The following FAM222B variants were observed in gnomAD, a reference collection of about 807,000 sequenced individuals.
FAM222B encodes family with sequence similarity 222 member B.
Under a neutral mutation model 38.0 loss-of-function variants are expected in FAM222B, and 12 were observed. The observed-to-expected ratio is 0.32, with a 90% confidence interval of 0.20 to 0.51. The LOEUF is 0.51. Among genes scored for constraint, FAM222B ranks in the 20% least tolerant of loss-of-function variants. The pLI is 0.97. For synonymous variants in FAM222B, 329 were observed against 317.2 expected, an observed-to-expected ratio of 1.04 and a Z score of -0.40; for missense variants, 716 against 754.2, an observed-to-expected ratio of 0.95 and a Z score of 0.59.
At chr17:28,852,652 C>G (rs918983262) in intron 1 of FAM222B, among the ~76,000 whole-genome samples, 1 of 151,992 alleles carries the variant, frequency 6.6e-6, no homozygotes, top group Non-Finnish European at 1.5e-5. Flanking sequence ...AAATTTTCCT[C>G]TTAAAAAAGA....
chr17:28,813,570 A>C (rs1477674375), intron 1 of FAM222B, among the ~76,000 whole-genome samples: 1 of 151,378 alleles, frequency 6.6e-6, no homozygotes, highest in African/African-American at 2.4e-5. Context: ...TCTGTTGCCC[A>C]GGCTGGAGTG....
intron 1 of FAM222B, among the ~76,000 whole-genome samples, chr17:28,767,984 G>C (rs1476015526): frequency 2.6e-5 from 4 of 152,130 alleles, no homozygotes; most frequent in African/African-American, 4.8e-5. Flanking sequence ...CTTCGTGCAG[G>C]CAATCCTGAC....
At chr17:28,810,089 C>A (rs1369917123) in intron 1 of FAM222B, among the ~76,000 whole-genome samples, 1 of 152,020 alleles carries the variant, frequency 6.6e-6, no homozygotes, top group African/African-American at 2.4e-5. Flanking sequence ...CTCTGCCTCC[C>A]GGGTTCCAGC....
At chr17:28,822,864 T>TAC (rs1555585795) in intron 1 of FAM222B, among the ~76,000 whole-genome samples, 870 of 79,758 alleles carry the variant, frequency 0.011, 16 homozygotes, top group Middle Eastern at 0.044. Context: ...TATATATATA[T>TAC]ACACACATAT....
rs367835516 is a variant in FAM222B at position 28,836,615 on chromosome 17, G to C, written c.-41+6067C>G. Among the ~76,000 whole-genome samples the C allele has an allele frequency of 1.6e-4, 25 of 152,178 alleles. No homozygotes were observed. The East Asian group carries it at 2.9e-3, about 18-fold the overall frequency. On this transcript the variant is annotated intron_variant, in intron 1 of 2. Coordinates refer to ENST00000581407, the MANE Select transcript of FAM222B (RefSeq NM_001077498.3). The stretch of plus-strand genomic sequence containing the variant: ...GGGTCGTGATCGATTGAGCAAGCAG[G>C]GGGTACGTGACTGGGGGCTGCATGC...
intron 1 of FAM222B, among the ~76,000 whole-genome samples, chr17:28,849,743 C>T (rs1189459847): frequency 6.6e-6 from 1 of 152,088 alleles, no homozygotes; most frequent in Non-Finnish European, 1.5e-5. Context: ...CCACTCTCTC[C>T]TCTTTCCCTA....
At chr17:28,836,842 T>G (rs540192075) in intron 1 of FAM222B, among the ~76,000 whole-genome samples, 1 of 152,262 alleles carries the variant, frequency 6.6e-6, no homozygotes, top group African/African-American at 2.4e-5. Flanking sequence ...AGGCAGATAT[T>G]GGGCATAAGA....
intron 1 of FAM222B, among the ~76,000 whole-genome samples, chr17:28,821,581 TAA>T (rs1452347983): frequency 6.6e-6 from 1 of 152,178 alleles, no homozygotes; most frequent in South Asian, 2.1e-4. Context: ...CTAACCCTTA[TAA>T]AAAGTCTCAT....
Position 28,790,915 on chromosome 17 carries a change from T to TTTTTTTA in FAM222B, c.-40-24209_-40-24208insTAAAAAA, listed in dbSNP as rs752443903. ...TTTTTTTTTTTTTTTTTTTTTTTTT[T>TTTTTTTA]AGAGACAGAATCTTGCTCTGTTGCC... On this transcript the variant is annotated intron_variant, in intron 1 of 2. Transcript: ENST00000581407. 4.7e-3 allele frequency among the ~76,000 whole-genome samples: 570 copies of TTTTTTTA among 121,016 alleles called. 14 individuals are homozygous for TTTTTTTA. Among genetic ancestry groups the TTTTTTTA allele is most frequent in the Non-Finnish European group, 7.0e-3 (410 of 58,536 alleles). The allele number at this position is 121,016 out of a possible 152,430, so 79.4% of individuals were successfully genotyped here.
chr17:28,854,358 T>G (rs978576298), intron 1 of FAM222B, among the ~76,000 whole-genome samples: 1 of 152,180 alleles, frequency 6.6e-6, no homozygotes, highest in Non-Finnish European at 1.5e-5. Context: ...AGACCTTAGG[T>G]GGCTAAGCCA....
At chr17:28,826,446 C>T (rs542296449) in intron 1 of FAM222B, among the ~76,000 whole-genome samples, 3 of 151,698 alleles carry the variant, frequency 2.0e-5, no homozygotes, top group South Asian at 2.1e-4. Flanking sequence ...TTTGGGAGGC[C>T]GAGGCCAGTG....
At chr17:28,825,451 A>C (rs201727667) in intron 1 of FAM222B, among the ~76,000 whole-genome samples, 8,679 of 150,642 alleles carry the variant, frequency 0.058, 744 homozygotes, top group African/African-American at 0.19. Flanking sequence ...AAAAAAAAAA[A>C]AAAACACTCC....
chr17:28,842,034 T>TAC (rs1299383554), intron 1 of FAM222B, among the ~76,000 whole-genome samples: 11 of 152,198 alleles, frequency 7.2e-5, no homozygotes, highest in Non-Finnish European at 1.5e-4. Context: ...AACATCAACA[T>TAC]AGTACTTACA....
chr17:28,758,095 G>T lies in FAM222B; in HGVS notation c.*175C>A. ...AACATAAAACCAAAAGTTGCTGGAGGGGAGGACGAGAGGACCCCTTCTGTC... is the reference window on the plus strand; with the variant it reads ...AACATAAAACCAAAAGTTGCTGGAGTGGAGGACGAGAGGACCCCTTCTGTC... On this transcript the variant is annotated 3_prime_UTR_variant, in exon 3 of 3. Coordinates refer to ENST00000581407, the MANE Select transcript of FAM222B (RefSeq NM_001077498.3). The T allele has an allele frequency of 1.8e-6, 1 of 564,390 alleles. No homozygotes were observed. The allele number at this position is 564,390 out of a possible 1,614,324, so 35.0% of individuals were successfully genotyped here.
intron 1 of FAM222B, among the ~76,000 whole-genome samples, chr17:28,823,653 T>C (rs2038341356): frequency 6.6e-6 from 1 of 152,160 alleles, no homozygotes; most frequent in African/African-American, 2.4e-5. Flanking sequence ...ACTTTCTGGG[T>C]TTTCCACCTA....
chr17:28,833,119 G>A (rs1308597184), intron 1 of FAM222B, among the ~76,000 whole-genome samples: 1 of 150,962 alleles, frequency 6.6e-6, no homozygotes, highest in Non-Finnish European at 1.5e-5. Context: ...TCAGGAGTTC[G>A]AGACCTGGTG....
chr17:28,850,032 C>T (rs1395954315), intron 1 of FAM222B, among the ~76,000 whole-genome samples: 4 of 152,002 alleles, frequency 2.6e-5, no homozygotes, highest in Middle Eastern at 3.4e-3. Flanking sequence ...TGCAGTGAGC[C>T]GAGGTCATGC....
Position 28,759,903 on chromosome 17 carries a change from CAAAGAG to C in FAM222B, c.83-33_83-28del, listed in dbSNP as rs1473150729. The C allele has an allele frequency of 6.7e-7, 1 of 1,496,406 alleles. No homozygotes were observed. The highest frequency in any genetic ancestry group is 9.0e-7 in the Non-Finnish European group (1 of 1,116,796). 92.7% of individuals were successfully genotyped at this position (1,496,406 alleles called of 1,614,324 possible). On this transcript the variant is annotated intron_variant, in intron 2 of 2. Coordinates refer to ENST00000581407, the MANE Select transcript of FAM222B (RefSeq NM_001077498.3). This position sits in a 1 kb window ranked among gnomAD's most constrained non-coding sequence, Gnocchi z 4.8. ...TAGAGAGAGAGAATGGGAAGGAGAG[CAAAGAG>C]GGAGAGGGAGCTCATCAGTGCCAAG...
chr17:28,853,454 A>G (rs2039197569), intron 1 of FAM222B, among the ~76,000 whole-genome samples: 1 of 152,160 alleles, frequency 6.6e-6, no homozygotes, highest in South Asian at 2.1e-4. Flanking sequence ...TTTAGATACC[A>G]TAATTTCCAC....
Sources: gnomAD v4.1 joint callset for allele counts (sites outside exome capture counted in the v4.1 genomes callset) on GRCh38, gnomAD v4.1.1 for gene constraint, Gnocchi (gnomAD v3.1) non-coding constraint, MANE v1.5 for transcripts, NCBI Gene and HGNC (gene_info 2026-07-23, HGNC 2026-07-21) for gene names.